TRDN: variants seen among roughly 807,000 people sequenced by gnomAD.
The protein encoded by TRDN is triadin.
In TRDN, 161 loss-of-function variants were observed where a neutral mutation model predicts 149.7. The ratio of observed to expected loss-of-function variants is 1.08; its 90% CI spans 0.95 to 1.23. The LOEUF (loss-of-function observed/expected upper bound fraction) is 1.23, where lower values mean the gene tolerates loss of function less well. Ranked by LOEUF, TRDN falls within the 50% of genes most tolerant of loss-of-function variation. The pLI is 0.00. For missense variants in TRDN, 896 were observed against 823.5 expected, an observed-to-expected ratio of 1.09 and a Z score of -1.08; for synonymous variants, 294 against 250.5, an observed-to-expected ratio of 1.17 and a Z score of -1.64.
At chr6:123,230,901 T>C (rs1775575204) in intron 38 of TRDN, among the ~76,000 whole-genome samples, 2 of 152,028 alleles carry the variant, frequency 1.3e-5, no homozygotes, top group Non-Finnish European at 2.9e-5. Flanking sequence ...CAATGAGATA[T>C]TTTTCTGTGC....
At chr6:123,242,713 A>T (rs1330026593) in intron 38 of TRDN, among the ~76,000 whole-genome samples, 1 of 152,104 alleles carries the variant, frequency 6.6e-6, no homozygotes, top group African/African-American at 2.4e-5. Flanking sequence ...TCTGGCTGTG[A>T]TGGGCTGGCA....
At chr6:123,471,256 A>T (rs774259103) in intron 9 of TRDN, 3 of 152,218 alleles carry the variant, frequency 2.0e-5, no homozygotes, top group Admixed American at 6.5e-5. Context: ...AGTATCTGGG[A>T]ACAAACAAGT....
intron 13 of TRDN, 52 bp downstream of exon 13, chr6:123,393,572 G>T (rs892770812): frequency 3.9e-6 from 6 of 1,519,326 alleles, no homozygotes; most frequent in Non-Finnish European, 5.4e-6. Context: ...TCAATAAAGT[G>T]CTATAGATGT....
At chr6:123,362,373 T>C (rs1178546541) in intron 20 of TRDN, among the ~76,000 whole-genome samples, 1 of 152,200 alleles carries the variant, frequency 6.6e-6, no homozygotes, top group Non-Finnish European at 1.5e-5. Flanking sequence ...CTTACAATTT[T>C]TCATCACCTC....
At chr6:123,451,186 AG>A (rs1775746496) in intron 10 of TRDN, among the ~76,000 whole-genome samples, 2 of 152,050 alleles carry the variant, frequency 1.3e-5, no homozygotes. Flanking sequence ...CACACCTCAT[AG>A]AACTAGAGAA....
Position 123,534,488 on chromosome 6 carries a change from A to G in TRDN, c.425-3923T>C, listed in dbSNP as rs189786475. On this transcript the variant is annotated intron_variant, in intron 4 of 40. Coordinates refer to ENST00000334268, the MANE Select transcript of TRDN (RefSeq NM_006073.4). The stretch of plus-strand genomic sequence containing the variant: ...TGGCGTGCCAGTTCTGTCTCCTTAC[A>G]CTTTAGCCAGGAAATGATGCTATTC... Among the ~76,000 whole-genome samples the G allele has an allele frequency of 2.1e-3, 324 of 152,168 alleles. 1 individual carries two copies. The highest frequency in any genetic ancestry group is 4.1e-3 in the South Asian group (20 of 4,824).
At chr6:123,363,132 T>A (rs1780962355) in intron 20 of TRDN, among the ~76,000 whole-genome samples, 1 of 152,174 alleles carries the variant, frequency 6.6e-6, no homozygotes, top group Non-Finnish European at 1.5e-5. Flanking sequence ...CCACTTAACA[T>A]TGCACACAGT....
chr6:123,219,104 GT>G (rs1775050438), intron 40 of TRDN, among the ~76,000 whole-genome samples: 1 of 151,834 alleles, frequency 6.6e-6, no homozygotes, highest in Non-Finnish European at 1.5e-5. Flanking sequence ...ATAGTCACAG[GT>G]TTCAAAATAT....
intron 12 of TRDN, among the ~76,000 whole-genome samples, chr6:123,419,684 C>T (rs12214912): frequency 0.34 from 51,942 of 152,012 alleles, 9,206 homozygotes; most frequent in African/African-American, 0.41. Context: ...AGATGGAGCA[C>T]AATCATCCAC....
chr6:123,555,208 T>C (rs547018947), intron 2 of TRDN, among the ~76,000 whole-genome samples: 2 of 152,294 alleles, frequency 1.3e-5, no homozygotes, highest in Non-Finnish European at 2.9e-5. Flanking sequence ...GTCCTGGGTA[T>C]GTTTGGTTGA....
chr6:123,522,435 C>T (rs1253385739), intron 5 of TRDN, among the ~76,000 whole-genome samples: 1 of 36,248 alleles, frequency 2.8e-5, no homozygotes, highest in Non-Finnish European at 6.0e-5. Context: ...CAAACAACTA[C>T]ATGGGGGGGG....
At chr6:123,252,622 T>A (rs1430482828) in intron 37 of TRDN, among the ~76,000 whole-genome samples, 187 bp from the exon 38 acceptor site, 4 of 152,122 alleles carry the variant, frequency 2.6e-5, no homozygotes, top group African/African-American at 7.2e-5. Flanking sequence ...TTTAATTTTT[T>A]AAAATTTTTA....
intron 24 of TRDN, among the ~76,000 whole-genome samples, chr6:123,287,454 T>C (rs1482354042): frequency 6.6e-6 from 1 of 152,154 alleles, no homozygotes; most frequent in Non-Finnish European, 1.5e-5. Context: ...ACCTGATGCA[T>C]GTTGAAATTT....
intron 10 of TRDN, among the ~76,000 whole-genome samples, chr6:123,461,654 T>C (rs1583073021): frequency 1.3e-5 from 2 of 152,180 alleles, no homozygotes; most frequent in Non-Finnish European, 2.9e-5. Flanking sequence ...CTTTTCTGCC[T>C]TCCTTGGTAA....
At chr6:123,437,942 C>A in intron 12 of TRDN, 121 bp downstream of exon 12, 2 of 837,628 alleles carry the variant, frequency 2.4e-6, no homozygotes, top group African/African-American at 1.8e-5. Context: ...TTTGCTTTGA[C>A]CTTCACGTCT....
intron 9 of TRDN, among the ~76,000 whole-genome samples, chr6:123,480,249 C>CAAA (rs34445508): frequency 2.0e-5 from 2 of 98,424 alleles, no homozygotes; most frequent in Non-Finnish European, 4.2e-5. Context: ...ACTCCGTTTC[C>CAAA]AAAAAAAAAA....
intron 1 of TRDN, among the ~76,000 whole-genome samples, chr6:123,602,463 A>G (rs1254679235): frequency 6.6e-6 from 1 of 152,092 alleles, no homozygotes; most frequent in East Asian, 1.9e-4. Context: ...ATAAAAGACT[A>G]CATATTGGGT....
At chr6:123,359,024 A>G (rs1316176878) in intron 20 of TRDN, among the ~76,000 whole-genome samples, 2 of 152,220 alleles carry the variant, frequency 1.3e-5, no homozygotes, top group Non-Finnish European at 2.9e-5. Flanking sequence ...ACTGTCCATG[A>G]TCTATTCAGA....
intron 12 of TRDN, chr6:123,437,252 T>G (rs186604276): frequency 4.3e-6 from 1 of 230,508 alleles, no homozygotes; most frequent in Admixed American, 4.8e-5. Context: ...GGTCCTCACC[T>G]TGATTAAACT....
Sources: gnomAD v4.1 joint callset for allele counts (sites outside exome capture counted in the v4.1 genomes callset) on GRCh38, gnomAD v4.1.1 for gene constraint, MANE v1.5 for transcripts, NCBI Gene and HGNC (gene_info 2026-07-23, HGNC 2026-07-21) for gene names.